The following PSD3 variants were observed in gnomAD, a reference collection of about 807,000 sequenced individuals.
The protein encoded by PSD3 is PH and SEC7 domain-containing protein 3.
In PSD3, 49 loss-of-function variants were observed where a neutral mutation model predicts 105.5. The ratio of observed to expected loss-of-function variants is 0.46; its 90% CI spans 0.37 to 0.59. The LOEUF (loss-of-function observed/expected upper bound fraction) is 0.59, where lower values mean the gene tolerates loss of function less well. Ranked by LOEUF, PSD3 falls within the 20% of genes least tolerant of loss-of-function variation. PSD3 has a pLI of 0.00. For synonymous variants in PSD3, 557 were observed against 457.8 expected (o/e 1.22, Z -2.77); for missense variants, 1,561 against 1,263.8 (o/e 1.24, Z -3.57).
intron 9 of PSD3, among the ~76,000 whole-genome samples, chr8:18,676,635 C>G (rs186001974): frequency 6.6e-6 from 1 of 152,318 alleles, no homozygotes; most frequent in East Asian, 1.9e-4. Flanking sequence ...GCCAGACCAG[C>G]GAGGAGCCCA....
At chr8:18,730,133 T>A (rs1156889903) in intron 9 of PSD3, 2 of 152,202 alleles carry the variant, frequency 1.3e-5, no homozygotes, top group Non-Finnish European at 2.9e-5. Context: ...GCTGTGTTTT[T>A]CCCAAGGCAC....
chr8:18,768,504 G>A (rs1361779239), intron 8 of PSD3, among the ~76,000 whole-genome samples: 1 of 151,994 alleles, frequency 6.6e-6, no homozygotes, highest in Non-Finnish European at 1.5e-5. Flanking sequence ...AGGCTGAGGG[G>A]CAAGATCGCT....
At chr8:18,649,464 T>C (rs1390152008) in intron 10 of PSD3, among the ~76,000 whole-genome samples, 1 of 152,236 alleles carries the variant, frequency 6.6e-6, no homozygotes, top group Non-Finnish European at 1.5e-5. Context: ...CCAATGCCTG[T>C]ACCCCCATTG....
At chr8:19,062,572 T>C (rs922448771) in intron 1 of PSD3, among the ~76,000 whole-genome samples, 4 of 152,192 alleles carry the variant, frequency 2.6e-5, no homozygotes, top group Admixed American at 2.0e-4. Flanking sequence ...CTTTTTCTAC[T>C]TAAATCATTT....
intron 7 of PSD3, among the ~76,000 whole-genome samples, chr8:18,800,079 A>C (rs1464436107): frequency 6.6e-6 from 1 of 152,196 alleles, no homozygotes; most frequent in Non-Finnish European, 1.5e-5. Context: ...TTATTATCAC[A>C]AGTTCTACAT....
At chr8:18,552,993 TGTCA>T (rs974664485) in intron 15 of PSD3, among the ~76,000 whole-genome samples, 67 of 152,302 alleles carry the variant, frequency 4.4e-4, no homozygotes, top group African/African-American at 1.4e-3. Flanking sequence ...GATTATTTAC[TGTCA>T]GTCAGAGTTT....
chr8:18,742,824 T>C (rs2129434999), intron 9 of PSD3, among the ~76,000 whole-genome samples: 1 of 152,284 alleles, frequency 6.6e-6, no homozygotes, highest in Non-Finnish European at 1.5e-5. Flanking sequence ...GTCATACCCA[T>C]CCTTACCTAG....
chr8:18,947,106 A>G (rs888172573), intron 1 of PSD3, among the ~76,000 whole-genome samples: 13 of 152,256 alleles, frequency 8.5e-5, no homozygotes, highest in African/African-American at 3.1e-4. Flanking sequence ...AGATATTCCA[A>G]AAGTCAGTAA....
At position 18,987,349 on chromosome 8, in the gene PSD3, G is replaced by A. The variant is rs187000682; in HGVS notation, c.21+26214C>T. On this transcript the variant is annotated intron_variant, in intron 1 of 15. Transcript: ENST00000327040. ...TTCGCCCAGGCTAGAGTGCAGTGGC[G>A]CAATCTCGGCTCACTGCAAGCTCTG... Among the ~76,000 whole-genome samples, 90 of 151,308 alleles carry A rather than the reference G, an allele frequency of 5.9e-4. 1 individual carries two copies. The highest frequency in any genetic ancestry group is 2.0e-3 in the African/African-American group (83 of 41,302).
At chr8:18,681,061 C>T (rs950534403) in intron 9 of PSD3, among the ~76,000 whole-genome samples, 3 of 152,062 alleles carry the variant, frequency 2.0e-5, no homozygotes, top group African/African-American at 7.2e-5. Context: ...GAATACAAAA[C>T]ATGTAATTCC....
chr8:18,896,682 G>T (rs888769473), intron 2 of PSD3, among the ~76,000 whole-genome samples: 2 of 152,092 alleles, frequency 1.3e-5, no homozygotes, highest in African/African-American at 2.4e-5. Flanking sequence ...CAAAGTGTTG[G>T]AATTACAGGC....
intron 2 of PSD3, among the ~76,000 whole-genome samples, chr8:18,873,058 AG>A (rs1485078780): frequency 6.6e-6 from 1 of 152,224 alleles, no homozygotes; most frequent in Non-Finnish European, 1.5e-5. Context: ...GGTTACAATA[AG>A]GATATGTACC....
At chr8:18,916,239 G>T (rs1316492335) in intron 2 of PSD3, among the ~76,000 whole-genome samples, 14 of 147,162 alleles carry the variant, frequency 9.5e-5, no homozygotes, top group African/African-American at 3.0e-4. Flanking sequence ...ATTCACAAGA[G>T]CCAAGATATG....
intron 1 of PSD3, among the ~76,000 whole-genome samples, chr8:18,947,438 T>C (rs188389369): frequency 1.4e-4 from 21 of 152,320 alleles, no homozygotes; most frequent in Non-Finnish European, 2.6e-4. Flanking sequence ...ATTCTCATTT[T>C]CCCACCAGCT....
chr8:18,648,089 C>T (rs886995161), intron 10 of PSD3, among the ~76,000 whole-genome samples: 5 of 151,850 alleles, frequency 3.3e-5, no homozygotes, highest in East Asian at 3.9e-4. Flanking sequence ...CCAGAATAAA[C>T]GAATTCAGAA....
intron 1 of PSD3, among the ~76,000 whole-genome samples, chr8:18,997,792 T>C (rs1826159370): frequency 6.6e-6 from 1 of 151,880 alleles, no homozygotes. Flanking sequence ...CTTCTTCAGG[T>C]CTTTCCTCAT....
At chr8:18,608,728 A>G (rs1009183910) in intron 11 of PSD3, among the ~76,000 whole-genome samples, 2 of 152,244 alleles carry the variant, frequency 1.3e-5, no homozygotes, top group Non-Finnish European at 2.9e-5. Flanking sequence ...TCTAAACAAT[A>G]AAATATTCAT....
chr8:18,614,827 G>C (rs1805538607), intron 11 of PSD3, among the ~76,000 whole-genome samples: 1 of 151,468 alleles, frequency 6.6e-6, no homozygotes, highest in African/African-American at 2.4e-5. Flanking sequence ...ATAGACACGG[G>C]GTCTTGCAAT....
At chr8:18,690,320 ACATGACTACAAAGCAAGTT>A (rs1213167542) in intron 9 of PSD3, among the ~76,000 whole-genome samples, 1 of 152,238 alleles carries the variant, frequency 6.6e-6, no homozygotes, top group Non-Finnish European at 1.5e-5. Flanking sequence ...CCATGCGGTA[ACATGACTACAAAGCAAGTT>A]AATTTTGCAG....
Sources: gnomAD v4.1 joint callset for allele counts (sites outside exome capture counted in the v4.1 genomes callset) on GRCh38, gnomAD v4.1.1 for gene constraint, MANE v1.5 for transcripts, NCBI Gene and HGNC (gene_info 2026-07-23, HGNC 2026-07-21) for gene names.